Variants in PKD1 observed in about 807,000 individuals in gnomAD.
The protein encoded by PKD1 is polycystin 1, transient receptor potential channel interacting.
A neutral mutation model predicts 361.7 loss-of-function variants in PKD1; 81 were observed. The ratio of observed to expected loss-of-function variants is 0.22; its 90% CI spans 0.19 to 0.27. PKD1 has a LOEUF of 0.27. Among genes scored for constraint, PKD1 ranks in the 10% least tolerant of loss-of-function variants. PKD1 has a pLI of 1.00. For synonymous variants in PKD1, 3,615 were observed against 2,818.3 expected (o/e 1.28, Z -8.95); for missense variants, 6,399 against 6,118.3 (o/e 1.05, Z -1.53).
Position 2,091,416 on chromosome 16 carries a change from G to A in PKD1, c.11712+7C>T. ...GAGGCGCGGGGTCTGGCCGGGGACG[G>A]GCGTACCGAGGTGAGCAGAGGCAGC... On this transcript the variant is annotated splice_region_variant and intron_variant, in intron 42 of 45. Coordinates refer to ENST00000262304, the MANE Select transcript of PKD1 (RefSeq NM_001009944.3). 2 of 1,149,376 alleles carry A rather than the reference G, an allele frequency of 1.7e-6. No homozygotes were observed. Among genetic ancestry groups the A allele is most frequent in the Non-Finnish European group, 1.1e-6 (1 of 933,842 alleles). 71.2% of individuals were successfully genotyped at this position (1,149,376 alleles called of 1,614,324 possible).
chr16:2,102,691 G>C, intron 24 of PKD1, 58 bp from the exon 25 acceptor site: 2 of 1,609,532 alleles, frequency 1.2e-6, no homozygotes, highest in Non-Finnish European at 1.7e-6. Flanking sequence ...GGATGTCGCA[G>C]TCTCAGAGCC....
intron 1 of PKD1, 125 bp downstream of exon 1, chr16:2,135,350 C>T (rs2092938111): frequency 2.2e-5 from 23 of 1,067,372 alleles, no homozygotes; most frequent in Non-Finnish European, 2.6e-5. Flanking sequence ...GGCCGCCGTG[C>T]CGCGCCGGAG....
In PKD1 at chr16:2,112,861, C is replaced by T. The variant is rs747210535; in HGVS notation, c.3088G>A (p.Val1030Met). Residue 1030 changes from valine to methionine, a missense_variant, in exon 13 of 46, where the codon GTG (valine) becomes ATG (methionine). Val to Met is a conservative substitution (Grantham distance 21). Coordinates refer to ENST00000262304, the MANE Select transcript of PKD1 (RefSeq NM_001009944.3). Reference sequence around the variant, plus strand: ...GCTAGCGTGGCATTGGGGGACAGCACGGCCGGCACTGTGGAGACCTGCAGA... The same window carrying T: ...GCTAGCGTGGCATTGGGGGACAGCATGGCCGGCACTGTGGAGACCTGCAGA... Reference protein sequence around the residue: ...QGLQVSTVPAVLSPNATLALT... With the variant: ...QGLQVSTVPAMLSPNATLALT... The T allele has an allele frequency of 9.3e-6, 15 of 1,606,012 alleles. No individual in the cohort carries two copies. The highest frequency in any genetic ancestry group is 5.5e-5 in the South Asian group (5 of 90,998).
At position 2,110,513 on chromosome 16, in the gene PKD1, C is replaced by T. The variant is rs149874529; in HGVS notation, c.4654G>A (p.Val1552Ile). 2.1e-4 allele frequency: 339 copies of T among 1,611,874 alleles called. No individual in the cohort carries two copies. The African/African-American group carries it at 3.6e-3, about 17-fold the overall frequency. The change falls in exon 15 of 46, where the codon GTC becomes ATC. Residue 1552 changes from valine to isoleucine, a missense_variant. By Grantham distance (29) the Val-to-Ile change is conservative. Transcript: ENST00000262304. ...ACCACCGTGCGGCTTGCATTGACGACGAGCCCCCGCACGCGCCGCTTCACC... is the reference window on the plus strand; with the variant it reads ...ACCACCGTGCGGCTTGCATTGACGATGAGCCCCCGCACGCGCCGCTTCACC... ...VTVKRRVRGL[V>I]VNASRTVVPL...
At position 2,109,334 on chromosome 16, in the gene PKD1, C is replaced by T; in HGVS notation, c.5833G>A (p.Asp1945Asn). The T allele has an allele frequency of 6.3e-7, 1 of 1,590,564 alleles. No individual in the cohort carries two copies. Among genetic ancestry groups the T allele is most frequent in the South Asian group, 1.1e-5 (1 of 90,424 alleles). Residue 1945 changes from aspartate to asparagine, a missense_variant, in exon 15 of 46, where the codon GAC becomes AAC. Coordinates refer to ENST00000262304, the MANE Select transcript of PKD1 (RefSeq NM_001009944.3). ...TTGCCCCGCACGCTCACCACGTGGT[C>T]TCCGACGCGGGGGAAGCTGTGGGAG... ...RFSHSFPRVG[D>N]HVVSVRGKNH...
At chr16:2,133,719 C>T (rs2092916276) in intron 1 of PKD1, among the ~76,000 whole-genome samples, 1 of 151,584 alleles carries the variant, frequency 6.6e-6, no homozygotes, top group African/African-American at 2.4e-5. Context: ...TACAGAACAG[C>T]ACCCACCTGC....
chr16:2,110,642 C>T lies in PKD1; in HGVS notation c.4525G>A (p.Glu1509Lys), dbSNP rs776253432. The change falls in exon 15 of 46, where the codon GAG becomes AAG. Residue 1509 changes from glutamate to lysine, a missense_variant. Glu to Lys is a moderately conservative substitution (Grantham distance 56). Transcript: ENST00000262304. ...LWDLGDGGWL[E>K]GPEVTHAYNS... ...TAAGCGTGGGTGACCTCCGGACCCT[C>T]GAGCCACCCACCGTCCCCCAGATCC... is the stretch of plus-strand genomic sequence containing the variant. 23 of 1,610,050 alleles carry T rather than the reference C, an allele frequency of 1.4e-5. No homozygotes were observed. The highest frequency in any genetic ancestry group is 1.8e-5 in the Non-Finnish European group (21 of 1,179,312).
rs752060021 is a variant in PKD1, at chr16:2,108,414, C to T, written c.6753G>A (p.Val2251=). The T allele has an allele frequency of 2.5e-6, 4 of 1,610,552 alleles. No individual in the cohort carries two copies. Among genetic ancestry groups the T allele is most frequent in the Non-Finnish European group, 3.4e-6 (4 of 1,179,740 alleles). The part of the protein sequence containing the change: ...LTQSIQANVT[V]APERLVPIIE... ...TGATGGGCACCAGGCGCTCGGGGGC[C>T]ACCGTCACATTGGCCTGGATGCTCT... The change falls in exon 15 of 46, where the codon GTG becomes GTA. Residue 2251 remains valine (V), a synonymous_variant. Coordinates refer to ENST00000262304, the MANE Select transcript of PKD1 (RefSeq NM_001009944.3).
chr16:2,091,785 T>C lies in PKD1; in HGVS notation c.11533A>G (p.Asn3845Asp). 2 of 1,610,608 alleles carry C rather than the reference T, an allele frequency of 1.2e-6. No homozygotes were observed. Among genetic ancestry groups the C allele is most frequent in the East Asian group, 2.2e-5 (1 of 44,806 alleles). Residue 3845 changes from asparagine (N) to aspartate (D), a missense_variant, in exon 41 of 46, where the codon AAC becomes GAC. By Grantham distance (23) the Asn-to-Asp change is conservative. Coordinates refer to ENST00000262304, the MANE Select transcript of PKD1 (RefSeq NM_001009944.3). ...GGCAGGGGAGGGAGCTCCCACCTGT[T>C]GTCCAGCCAGTTGTGCAGCTGCAGG... ...RFLQLHNWLD[N>D]RSRAVFLELT...
Position 2,093,011 on chromosome 16 carries a change from C to T in PKD1, c.11099G>A (p.Arg3700His), listed in dbSNP as rs141668965. ...GDASCHGHAYRLQSAIKQELH... is the reference protein window; with the variant it reads ...GDASCHGHAYHLQSAIKQELH... ...CTCCTGCTTGATGGCGCTTTGCAGA[C>T]GGTAGGCGTGCCCATGGCATGAGGC... The change falls in exon 38 of 46, where the codon CGT becomes CAT. Residue 3700 changes from arginine (R) to histidine (H), a missense_variant. Transcript: ENST00000262304. The T allele has an allele frequency of 8.7e-6, 14 of 1,612,968 alleles. No homozygotes were observed. Among genetic ancestry groups the T allele is most frequent in the East Asian group, 4.5e-5 (2 of 44,882 alleles).
chr16:2,090,793 G>C lies in PKD1; in HGVS notation c.12019C>G (p.Arg4007Gly), dbSNP rs767826564. 1.1e-5 allele frequency: 18 copies of C among 1,612,534 alleles called. No homozygotes were observed. The highest frequency in any genetic ancestry group is 2.2e-5 in the East Asian group (1 of 44,872). Residue 4007 changes from arginine to glycine, a missense_variant, in exon 44 of 46, where the codon CGC becomes GGC. Coordinates refer to ENST00000262304, the MANE Select transcript of PKD1 (RefSeq NM_001009944.3). Reference protein sequence around the residue: ...LLLVKAAQQLRFVRQWSVFGK... With the variant: ...LLLVKAAQQLGFVRQWSVFGK... ...AAGACGGACCACTGGCGCACGAAGC[G>C]TAGCTGCTGGGCAGCCTGCGGACGA...
At chr16:2,135,203 AGCTGAGCGCGGCCTCCGCGCCCC>A in intron 1 of PKD1, 1 of 982,258 alleles carries the variant, frequency 1.0e-6, no homozygotes, top group African/African-American at 1.7e-5. Context: ...TTGTCCTCCC[AGCTGAGCGCGGCCTCCGCGCCCC>A]GCCCCCGCTG....
chr16:2,103,837 T>G lies in PKD1; in HGVS notation c.8220A>C (p.Gly2740=). 1.2e-6 allele frequency: 2 copies of G among 1,606,482 alleles called. No individual in the cohort carries two copies. Among genetic ancestry groups the G allele is most frequent in the Non-Finnish European group, 1.7e-6 (2 of 1,178,642 alleles). The change falls in exon 23 of 46, where the codon GGA becomes GGC. Residue 2740 remains glycine, a synonymous_variant. Transcript: ENST00000262304. ...CCACCATCCGAGATGGTGACTCGGC[T>G]CCCAGCTCTGAGGGCTGTGGTGCCC... ...DVRAPQPSEL[G]AESPSRMVAS... is the part of the protein sequence containing the mutation.
chr16:2,109,004 G>C lies in PKD1; in HGVS notation c.6163C>G (p.Leu2055Val), dbSNP rs770711019. ...ALGSENRTLV[L>V]EVQDAVQYVA... ...TACTGGACGGCGTCCTGAACCTCCA[G>C]CACCAGCGTGCGGTTCTCACTGCCC... The change falls in exon 15 of 46, where the codon CTG (leucine) becomes GTG (valine). Residue 2055 changes from leucine (L) to valine (V), a missense_variant. By Grantham distance (32) the Leu-to-Val change is conservative (BLOSUM62 1). Coordinates refer to ENST00000262304, the MANE Select transcript of PKD1 (RefSeq NM_001009944.3). The C allele has an allele frequency of 3.2e-5, 51 of 1,610,506 alleles. No homozygotes were observed. Among genetic ancestry groups the C allele is most frequent in the Non-Finnish European group, 4.2e-5 (50 of 1,179,234 alleles).
chr16:2,092,282 G>A (rs1395313396), intron 39 of PKD1, 94 bp from the exon 40 acceptor site: 1 of 1,388,292 alleles, frequency 7.2e-7, no homozygotes, highest in East Asian at 2.5e-5. Flanking sequence ...CTCTGGTTCG[G>A]CGCCACCCCA....
intron 11 of PKD1, chr16:2,113,627 G>C (rs1567208666): frequency 7.0e-6 from 3 of 428,606 alleles, no homozygotes; most frequent in African/African-American, 4.0e-5. Context: ...CTCACCCAGA[G>C]AGCTCGGAGC....
Position 2,103,644 on chromosome 16 carries a change from G to A in PKD1, c.8413C>T (p.His2805Tyr), listed in dbSNP as rs2092198923. The A allele has an allele frequency of 6.2e-7, 1 of 1,610,402 alleles. No homozygotes were observed. The highest frequency in any genetic ancestry group is 8.5e-7 in the Non-Finnish European group (1 of 1,179,682). ...CTGAAAGCCTCGGGGATGGAGAAGT[G>A]GCAGCCAGGCCCTGGGGCGCCGCCA... Reference protein sequence around the residue: ...CYGGAPGPGCHFSIPEAFSGA... With the variant: ...CYGGAPGPGCYFSIPEAFSGA... Residue 2805 changes from histidine (H) to tyrosine (Y), a missense_variant, in exon 23 of 46, where the codon CAC becomes TAC. Coordinates refer to ENST00000262304, the MANE Select transcript of PKD1 (RefSeq NM_001009944.3).
rs534063899 is a variant in PKD1 at position 2,093,075 on chromosome 16, G to C, written c.11035C>G (p.Leu3679Val). 2.5e-6 allele frequency: 4 copies of C among 1,612,784 alleles called. No individual in the cohort carries two copies. In the East Asian group the frequency reaches 8.9e-5, roughly 36 times the overall value. The part of the protein sequence containing the change: ...GMLRSLLVYM[L>V]FLLVTLLASY... The stretch of plus-strand genomic sequence containing the variant: ...GCCAGCAGGGTCACCAGCAGAAAAA[G>C]CATGTACACCAGGAGGCTCTGGTGG... The change falls in exon 38 of 46, where the codon CTT (leucine) becomes GTT (valine). Residue 3679 changes from leucine (L) to valine (V), a missense_variant. Leu to Val is a conservative substitution (Grantham distance 32, BLOSUM62 1). Coordinates refer to ENST00000262304, the MANE Select transcript of PKD1 (RefSeq NM_001009944.3).
intron 34 of PKD1, among the ~76,000 whole-genome samples, chr16:2,094,498 GCA>G (rs1000131450): frequency 4.6e-5 from 7 of 152,196 alleles, no homozygotes; most frequent in Admixed American, 3.3e-4. Flanking sequence ...TTACAGCAGT[GCA>G]CAGTCTCTCA....
Sources: gnomAD v4.1 joint callset for allele counts (sites outside exome capture counted in the v4.1 genomes callset) on GRCh38, gnomAD v4.1.1 for gene constraint, MANE v1.5 for transcripts, NCBI Gene and HGNC (gene_info 2026-07-23, HGNC 2026-07-21) for gene names.